The following SYN3 variants were observed in gnomAD, a reference collection of about 807,000 sequenced individuals.
SYN3 encodes the protein synapsin-3.
Under a neutral mutation model 65.8 loss-of-function variants are expected in SYN3, and 35 were observed. That is an observed-to-expected ratio of 0.53 (90% confidence interval 0.41 to 0.70). SYN3 has a LOEUF of 0.70. Among genes scored for constraint, SYN3 ranks in the 30% least tolerant of loss-of-function variants. SYN3 has a pLI of 0.00. For synonymous variants in SYN3, 270 were observed against 292.9 expected (o/e 0.92, Z 0.80); for missense variants, 680 against 749.0 (o/e 0.91, Z 1.08).
At chr22:32,713,982 A>AG (rs1386084726) in intron 6 of SYN3, among the ~76,000 whole-genome samples, 1 of 152,196 alleles carries the variant, frequency 6.6e-6, no homozygotes, top group African/African-American at 2.4e-5. Context: ...ACTACGAAGG[A>AG]GGGAGGATTC....
chr22:32,666,220 C>G (rs2060287719), intron 6 of SYN3, among the ~76,000 whole-genome samples: 1 of 152,148 alleles, frequency 6.6e-6, no homozygotes, highest in Admixed American at 6.6e-5. Context: ...TCATTTTGGT[C>G]CTCATCTCTC....
intron 6 of SYN3, chr22:32,861,712 AAAG>A (rs2048543315): frequency 1.3e-5 from 2 of 152,666 alleles, no homozygotes; most frequent in Non-Finnish European, 2.9e-5. Flanking sequence ...GGCCCTGGGC[AAAG>A]AAGGGTCTTT....
intron 6 of SYN3, among the ~76,000 whole-genome samples, chr22:32,819,026 G>A (rs2047164104): frequency 1.3e-5 from 2 of 152,228 alleles, no homozygotes; most frequent in Admixed American, 6.5e-5. Flanking sequence ...TGGCCTCTGC[G>A]CTTAAGTATA....
intron 6 of SYN3, among the ~76,000 whole-genome samples, chr22:32,683,863 G>A (rs916394947): frequency 1.3e-5 from 2 of 152,128 alleles, no homozygotes; most frequent in Non-Finnish European, 2.9e-5. Flanking sequence ...TCCCCTCATA[G>A]TCTAGAAGTA....
At chr22:32,622,725 CAAAAA>C (rs777908921) in intron 6 of SYN3, among the ~76,000 whole-genome samples, 1 of 78,196 alleles carries the variant, frequency 1.3e-5, no homozygotes. Context: ...AAATCGGATG[CAAAAA>C]AAAAAAAAAA....
intron 6 of SYN3, among the ~76,000 whole-genome samples, chr22:32,835,166 G>A (rs1436593613): frequency 1.3e-5 from 2 of 152,214 alleles, no homozygotes; most frequent in Admixed American, 6.5e-5. Context: ...CTGGGTGACA[G>A]AGTGCACAGT....
chr22:32,511,604 G>T lies in SYN3; in HGVS notation c.*2088C>A, dbSNP rs1016228941. On this transcript the variant is annotated 3_prime_UTR_variant, in exon 14 of 14. Transcript: ENST00000358763. Reference sequence around the variant, plus strand: ...AGCCGAGCATGGAGACAGAGTAAGGGTGGTGGGCTTTTTGGGCGCTAGAAA... The same window carrying T: ...AGCCGAGCATGGAGACAGAGTAAGGTTGGTGGGCTTTTTGGGCGCTAGAAA... Among the ~76,000 whole-genome samples the T allele has an allele frequency of 2.0e-5, 3 of 152,220 alleles. No homozygotes were observed. The highest frequency in any genetic ancestry group is 7.2e-5 in the African/African-American group (3 of 41,466).
intron 6 of SYN3, among the ~76,000 whole-genome samples, chr22:32,603,811 C>T (rs1247504301): frequency 6.6e-6 from 1 of 152,208 alleles, no homozygotes; most frequent in African/African-American, 2.4e-5. Context: ...CTGCATCAGC[C>T]TCTCACAGGC....
At chr22:32,566,669 G>A (rs1244721358) in intron 7 of SYN3, among the ~76,000 whole-genome samples, 1 of 152,194 alleles carries the variant, frequency 6.6e-6, no homozygotes, top group Non-Finnish European at 1.5e-5. Flanking sequence ...AGTGGTGGGA[G>A]CTGATTCAGG....
At chr22:32,719,373 C>T (rs1279407824) in intron 6 of SYN3, among the ~76,000 whole-genome samples, 1 of 152,172 alleles carries the variant, frequency 6.6e-6, no homozygotes, top group Admixed American at 6.5e-5. Flanking sequence ...TAAACGAATA[C>T]TGGTGAAACT....
intron 3 of SYN3, among the ~76,000 whole-genome samples, chr22:32,959,205 G>A (rs2051565376): frequency 6.6e-6 from 1 of 151,968 alleles, no homozygotes; most frequent in African/African-American, 2.4e-5. Context: ...TGTTTTATCA[G>A]GGGTTTCCGC....
intron 4 of SYN3, among the ~76,000 whole-genome samples, chr22:32,913,425 T>C (rs1428184520): frequency 6.6e-6 from 1 of 152,004 alleles, no homozygotes; most frequent in Admixed American, 6.5e-5. Flanking sequence ...CCCAAAGTGC[T>C]GGGATTACAG....
intron 4 of SYN3, among the ~76,000 whole-genome samples, chr22:32,902,577 G>A (rs1484474608): frequency 1.3e-5 from 2 of 152,166 alleles, no homozygotes; most frequent in East Asian, 3.9e-4. Flanking sequence ...GTTGTACCTT[G>A]CTTATGATCA....
At chr22:32,826,065 G>A (rs1455716474) in intron 6 of SYN3, among the ~76,000 whole-genome samples, 1 of 152,176 alleles carries the variant, frequency 6.6e-6, no homozygotes, top group African/African-American at 2.4e-5. Context: ...TATTTTATAG[G>A]TTTTTGTTTG....
chr22:32,936,313 A>G (rs552647328), intron 3 of SYN3, among the ~76,000 whole-genome samples: 21 of 152,350 alleles, frequency 1.4e-4, no homozygotes, highest in African/African-American at 4.3e-4. Context: ...AATTATCCCT[A>G]TGTTTATCCT....
rs375760368 is a variant in SYN3 at position 32,540,637 on chromosome 22, C to T, written c.917+934G>A. Among the ~76,000 whole-genome samples the T allele has an allele frequency of 9.1e-4, 138 of 152,338 alleles. 1 individual carries two copies. In the South Asian group the frequency reaches 0.02, roughly 23 times the overall value. On this transcript the variant is annotated intron_variant, in intron 8 of 13. Transcript: ENST00000358763. ...CTTATAACCACAGCCCCATGTAATC[C>T]GTGCTTTGTTGAACCACCTCTAGGG... is the stretch of plus-strand genomic sequence containing the variant.
chr22:32,679,259 G>C (rs1016203373), intron 6 of SYN3, among the ~76,000 whole-genome samples: 1 of 151,814 alleles, frequency 6.6e-6, no homozygotes, highest in Admixed American at 6.6e-5. Flanking sequence ...CACCATGTTG[G>C]CCAGGATGGT....
intron 1 of SYN3, among the ~76,000 whole-genome samples, chr22:33,012,160 C>T (rs909915832): frequency 6.6e-6 from 1 of 151,654 alleles, no homozygotes; most frequent in Non-Finnish European, 1.5e-5. Context: ...TCTTTTTTTC[C>T]CCAATATAAG....
intron 7 of SYN3, among the ~76,000 whole-genome samples, chr22:32,562,448 T>C (rs890633875): frequency 9.2e-5 from 14 of 152,238 alleles, no homozygotes; most frequent in Non-Finnish European, 1.8e-4. Context: ...CCATCTGGGT[T>C]GGCCTGGAGG....
Sources: gnomAD v4.1 joint callset for allele counts (sites outside exome capture counted in the v4.1 genomes callset) on GRCh38, gnomAD v4.1.1 for gene constraint, MANE v1.5 for transcripts, NCBI Gene and HGNC (gene_info 2026-07-23, HGNC 2026-07-21) for gene names.